TCF12: variants seen among roughly 807,000 people sequenced by gnomAD.
TCF12 encodes DNA-binding protein HTF4.
Under a neutral mutation model 86.0 loss-of-function variants are expected in TCF12, and 45 were observed. The observed-to-expected ratio is 0.52, with a 90% confidence interval of 0.41 to 0.67. The LOEUF (loss-of-function observed/expected upper bound fraction) is 0.67, where lower values mean the gene tolerates loss of function less well. Ranked by LOEUF, TCF12 falls within the 30% of genes least tolerant of loss-of-function variation. The probability of loss-of-function intolerance (pLI) is 0.00; values close to 1 mark genes in which losing one functional copy is unlikely to be tolerated. For missense variants in TCF12, 881 were observed against 859.9 expected (o/e 1.02, Z -0.31); for synonymous variants, 330 against 299.6 (o/e 1.10, Z -1.05).
At chr15:57,262,701 A>C (rs1032782658) in intron 17 of TCF12, among the ~76,000 whole-genome samples, 1 of 152,174 alleles carries the variant, frequency 6.6e-6, no homozygotes, top group Non-Finnish European at 1.5e-5. Context: ...TGCAAATAAG[A>C]TCACCAAAAT....
chr15:57,170,100 C>T (rs2055198704), intron 6 of TCF12, among the ~76,000 whole-genome samples: 1 of 152,058 alleles, frequency 6.6e-6, no homozygotes, highest in Admixed American at 6.6e-5. Context: ...CAGAGGTTCT[C>T]CTAAGGTATT....
At chr15:57,197,152 CTTTT>C (rs138145337) in intron 7 of TCF12, among the ~76,000 whole-genome samples, 1 of 87,256 alleles carries the variant, frequency 1.1e-5, no homozygotes, top group Non-Finnish European at 2.1e-5. Flanking sequence ...AGAACAGCTT[CTTTT>C]TTTTTTTTTT....
At chr15:57,279,940 CTGGAGTGCAG>C (rs1290447663) in intron 19 of TCF12, among the ~76,000 whole-genome samples, 37 of 134,470 alleles carry the variant, frequency 2.8e-4, no homozygotes, top group African/African-American at 1.0e-3. Context: ...GTCGCCCAGG[CTGGAGTGCAG>C]TGGCGCGATT....
intron 4 of TCF12, among the ~76,000 whole-genome samples, chr15:57,074,553 C>T (rs1349772711): frequency 6.6e-6 from 1 of 152,198 alleles, no homozygotes; most frequent in Admixed American, 6.5e-5. Flanking sequence ...GTCGCCCAGG[C>T]TGGAAATGCA....
chr15:56,958,421 T>C (rs1038856266), intron 3 of TCF12, among the ~76,000 whole-genome samples: 3 of 152,336 alleles, frequency 2.0e-5, no homozygotes, highest in East Asian at 3.9e-4. Flanking sequence ...ACATGAAGTG[T>C]AAATCTATTT....
At chr15:57,149,118 A>G (rs1041038745) in intron 5 of TCF12, among the ~76,000 whole-genome samples, 37 of 152,320 alleles carry the variant, frequency 2.4e-4, no homozygotes, top group Admixed American at 2.0e-3. Context: ...AATTGAATAT[A>G]AAAGTGTCAA....
chr15:57,282,468 G>T lies in TCF12; in HGVS notation c.2002G>T (p.Ala668Ser). The change falls in exon 20 of 21, where the codon GCC (alanine) becomes TCC (serine). Residue 668 changes from alanine to serine, a missense_variant. Coordinates refer to ENST00000333725, the MANE Select transcript of TCF12 (RefSeq NM_207037.2). ...VRERNLNPKAACLKRREEEKV... is the reference protein window; with the variant it reads ...VRERNLNPKASCLKRREEEKV... Reference sequence around the variant, plus strand: ...AGAGAGGAACCTTAACCCCAAAGCAGCCTGCCTTAAGAGAAGGGAAGAAGA... The same window carrying T: ...AGAGAGGAACCTTAACCCCAAAGCATCCTGCCTTAAGAGAAGGGAAGAAGA... The T allele has an allele frequency of 6.2e-7, 1 of 1,614,208 alleles. No individual in the cohort carries two copies. The highest frequency in any genetic ancestry group is 8.5e-7 in the Non-Finnish European group (1 of 1,180,046).
At chr15:57,029,464 G>T (rs1461018418) in intron 3 of TCF12, among the ~76,000 whole-genome samples, 1 of 152,110 alleles carries the variant, frequency 6.6e-6, no homozygotes, top group Non-Finnish European at 1.5e-5. Context: ...CTAGAATTTT[G>T]ATTGGAATTA....
chr15:57,267,071 T>C (rs777382112), intron 18 of TCF12, among the ~76,000 whole-genome samples: 31 of 152,198 alleles, frequency 2.0e-4, no homozygotes, highest in Non-Finnish European at 4.0e-4. Flanking sequence ...GTTAGATCAT[T>C]TAGTATATTT....
intron 5 of TCF12, among the ~76,000 whole-genome samples, chr15:57,143,744 A>G (rs943831240): frequency 6.6e-6 from 1 of 152,152 alleles, no homozygotes; most frequent in Admixed American, 6.5e-5. Context: ...TAAAATTTGG[A>G]GTTTGTATAC....
At chr15:57,195,225 C>T (rs1350336226) in intron 7 of TCF12, among the ~76,000 whole-genome samples, 2 of 152,178 alleles carry the variant, frequency 1.3e-5, no homozygotes, top group African/African-American at 2.4e-5. Flanking sequence ...TTATATTTTG[C>T]AACTTCCCAG....
chr15:57,078,354 A>T (rs1339278335), intron 4 of TCF12, among the ~76,000 whole-genome samples: 2 of 152,196 alleles, frequency 1.3e-5, no homozygotes, highest in African/African-American at 4.8e-5. Context: ...CCCCTAGACT[A>T]CTAGGGAGTC....
chr15:57,273,661 T>C (rs2431032), intron 19 of TCF12, among the ~76,000 whole-genome samples: 27,935 of 152,086 alleles, frequency 0.18, 3,159 homozygotes, highest in Non-Finnish European at 0.25. Context: ...TGCTCTACTT[T>C]GGAGTATCTA....
At chr15:57,192,676 C>G (rs1352758363) in intron 7 of TCF12, among the ~76,000 whole-genome samples, 1 of 152,224 alleles carries the variant, frequency 6.6e-6, no homozygotes, top group African/African-American at 2.4e-5. Flanking sequence ...GTGTGAACCA[C>G]CGTGCCCAGC....
chr15:57,076,174 G>A (rs1284596382), intron 4 of TCF12, among the ~76,000 whole-genome samples: 1 of 151,936 alleles, frequency 6.6e-6, no homozygotes, highest in African/African-American at 2.4e-5. Flanking sequence ...GATTTCTAAT[G>A]TGTAAAACAA....
At chr15:56,962,127 C>A in intron 3 of TCF12, among the ~76,000 whole-genome samples, 1 of 125,794 alleles carries the variant, frequency 7.9e-6, no homozygotes, top group Admixed American at 8.6e-5. Flanking sequence ...AGCGAGACTC[C>A]GTCTCAAAAA....
chr15:56,930,930 G>A (rs2060217671), intron 3 of TCF12, among the ~76,000 whole-genome samples: 1 of 152,060 alleles, frequency 6.6e-6, no homozygotes, highest in Admixed American at 6.6e-5. Flanking sequence ...CTGATTTGTA[G>A]CGTGTGACAT....
chr15:57,248,503 A>G (rs1377037035), intron 13 of TCF12, among the ~76,000 whole-genome samples: 1 of 152,256 alleles, frequency 6.6e-6, no homozygotes, highest in Non-Finnish European at 1.5e-5. Context: ...CTTCTGGAAT[A>G]TAAATGAATA....
intron 3 of TCF12, among the ~76,000 whole-genome samples, chr15:56,935,480 A>T (rs2060429868): frequency 6.6e-6 from 1 of 151,840 alleles, no homozygotes; most frequent in Non-Finnish European, 1.5e-5. Flanking sequence ...TTTTAAAAAA[A>T]TTTTTTGTTT....
Sources: allele counts gnomAD v4.1 joint callset (sites outside exome capture counted in the v4.1 genomes callset), GRCh38; gene constraint gnomAD v4.1.1; transcripts MANE v1.5; gene names NCBI Gene and HGNC (gene_info 2026-07-23, HGNC 2026-07-21).